The following PCDHGA4 variants were observed in gnomAD, a reference collection of about 807,000 sequenced individuals.
PCDHGA4 encodes protocadherin gamma subfamily A, 4, also known as protocadherin gamma-A4.
In PCDHGA4, 38 loss-of-function variants were observed where a neutral mutation model predicts 54.6. That is an observed-to-expected ratio of 0.70 (90% CI 0.54 to 0.91). The LOEUF (loss-of-function observed/expected upper bound fraction) is 0.91, where lower values mean the gene tolerates loss of function less well. Among genes scored for constraint, PCDHGA4 ranks in the 40% least tolerant of loss-of-function variants. The pLI is 0.00. For missense variants in PCDHGA4, 1,298 were observed against 1,220.9 expected, an observed-to-expected ratio of 1.06 and a Z score of -0.94; for synonymous variants, 511 against 512.9, an observed-to-expected ratio of 1.00 and a Z score of 0.05.
chr5:141,356,021 A>G lies in PCDHGA4; in HGVS notation c.914A>G (p.Asn305Ser), dbSNP rs752812560. The G allele has an allele frequency of 3.1e-6, 5 of 1,613,992 alleles. No individual in the cohort carries two copies. Among genetic ancestry groups the G allele is most frequent in the Non-Finnish European group, 4.2e-6 (5 of 1,179,894 alleles). ...VKATDPDEGANGDVTYSFRKV... is the reference protein window; with the variant it reads ...VKATDPDEGASGDVTYSFRKV... ...GCCACTGATCCAGATGAAGGAGCCA[A>G]TGGAGACGTGACGTATTCTTTCCGG... Residue 305 changes from asparagine (N) to serine (S), a missense_variant, in exon 1 of 4, where the codon AAT becomes AGT. Physicochemically the swap from Asn to Ser is conservative, Grantham distance 46. Transcript: ENST00000571252.
chr5:141,375,784 C>T, intron 1 of PCDHGA4: 1 of 1,614,254 alleles, frequency 6.2e-7, no homozygotes. Context: ...ACCCCGCCCT[C>T]CCCACAGACG....
intron 1 of PCDHGA4, chr5:141,410,320 C>A (rs752279818): frequency 6.2e-7 from 1 of 1,613,998 alleles, no homozygotes; most frequent in Non-Finnish European, 8.5e-7. Context: ...TCCTCCTCGC[C>A]GTGATTCTGG....
chr5:141,412,050 A>G (rs1465943762), intron 1 of PCDHGA4: 1 of 152,222 alleles, frequency 6.6e-6, no homozygotes, highest in African/African-American at 2.4e-5. Flanking sequence ...GTGAACTTCT[A>G]TACCCTTTGC....
intron 1 of PCDHGA4, among the ~76,000 whole-genome samples, chr5:141,452,760 G>A (rs920853226): frequency 3.3e-5 from 5 of 152,120 alleles, no homozygotes; most frequent in Non-Finnish European, 7.4e-5. Context: ...AAGGAAGGGA[G>A]GGAGGGAAAA....
At chr5:141,364,599 T>C in intron 1 of PCDHGA4, 4 of 1,614,178 alleles carry the variant, frequency 2.5e-6, no homozygotes, top group South Asian at 1.1e-5. Context: ...GCGGGCAGGA[T>C]AGACCGGGAG....
intron 1 of PCDHGA4, chr5:141,413,182 G>A (rs752788034): frequency 6.2e-7 from 1 of 1,604,164 alleles, no homozygotes; most frequent in Non-Finnish European, 8.5e-7. Context: ...TACAATGGCC[G>A]CTCAAAGGAA....
intron 1 of PCDHGA4, among the ~76,000 whole-genome samples, chr5:141,406,933 T>C (rs1034700573): frequency 6.6e-6 from 1 of 152,218 alleles, no homozygotes; most frequent in African/African-American, 2.4e-5. Flanking sequence ...ATGTATTATT[T>C]AATGTTATTT....
intron 1 of PCDHGA4, chr5:141,370,363 G>A: frequency 1.3e-6 from 2 of 1,518,634 alleles, no homozygotes; most frequent in South Asian, 1.3e-5. Context: ...TCCTCTCCTC[G>A]GATTTAGAAA....
intron 1 of PCDHGA4, chr5:141,492,046 AC>A (rs955983612): frequency 2.0e-6 from 1 of 494,316 alleles, no homozygotes; most frequent in African/African-American, 2.0e-5. Context: ...TCACAGATCC[AC>A]CCCTGCAGCC....
intron 1 of PCDHGA4, chr5:141,375,277 T>G: frequency 1.9e-6 from 3 of 1,613,826 alleles, no homozygotes; most frequent in Non-Finnish European, 2.5e-6. Context: ...AAAAATCAGT[T>G]GGCAATTATT....
intron 1 of PCDHGA4, among the ~76,000 whole-genome samples, chr5:141,401,018 G>C (rs2094104038): frequency 6.6e-6 from 1 of 152,108 alleles, no homozygotes; most frequent in Admixed American, 6.5e-5. Flanking sequence ...ATGGATTTAT[G>C]ATTTTTTGAA....
chr5:141,466,039 A>G (rs926979550), intron 1 of PCDHGA4, among the ~76,000 whole-genome samples: 1 of 152,122 alleles, frequency 6.6e-6, no homozygotes, highest in Non-Finnish European at 1.5e-5. Context: ...GGAGAACGGC[A>G]TGAACCCAGG....
chr5:141,424,052 G>A, intron 1 of PCDHGA4: 1 of 1,012,010 alleles, frequency 9.9e-7, no homozygotes, highest in South Asian at 4.7e-5. Flanking sequence ...CAATTTTGCT[G>A]TGCCTTCACT....
chr5:141,392,897 G>T (rs2150498343), intron 1 of PCDHGA4: 6 of 1,613,776 alleles, frequency 3.7e-6, no homozygotes, highest in Non-Finnish European at 5.1e-6. Flanking sequence ...AAATCGGGAG[G>T]GGACAGATTC....
intron 2 of PCDHGA4, among the ~76,000 whole-genome samples, chr5:141,502,723 G>C (rs771399677): frequency 3.9e-5 from 6 of 152,124 alleles, no homozygotes; most frequent in Non-Finnish European, 8.8e-5. Flanking sequence ...TGATTACAAA[G>C]CGGTGATGTT....
rs143779180 is a variant in PCDHGA4 at position 141,485,438 on chromosome 5, C to A, written c.2515-9369C>A. The A allele has an allele frequency of 9.9e-6, 16 of 1,614,170 alleles. No individual in the cohort carries two copies. The African/African-American group carries it at 1.3e-4, about 13-fold the overall frequency. Reference sequence around the variant, plus strand: ...CAGCGGAGCCCTGCTCATCAAGAACCCAATCGACCGAGAGGCACTGTGTGG... The same window carrying A: ...CAGCGGAGCCCTGCTCATCAAGAACACAATCGACCGAGAGGCACTGTGTGG... On this transcript the variant is annotated intron_variant, in intron 1 of 3. Coordinates refer to ENST00000571252, the MANE Select transcript of PCDHGA4 (RefSeq NM_018917.4). The surrounding 1 kb of genome is among the most constrained non-coding windows in gnomAD (Gnocchi z 5.7).
intron 1 of PCDHGA4, among the ~76,000 whole-genome samples, chr5:141,454,796 A>ATTTTTTTTTTTTTTTTTTTTTT (rs61612330): frequency 5.2e-5 from 4 of 77,456 alleles, no homozygotes; most frequent in Non-Finnish European, 7.0e-5. Context: ...CATGGTTCTA[A>ATTTTTTTTTTTTTTTTTTTTTT]TTTTTTTTTT....
chr5:141,485,497 T>C lies in PCDHGA4; in HGVS notation c.2515-9310T>C, dbSNP rs1594488328. On this transcript the variant is annotated intron_variant, in intron 1 of 3. Coordinates refer to ENST00000571252, the MANE Select transcript of PCDHGA4 (RefSeq NM_018917.4). The surrounding 1 kb of genome is among the most constrained non-coding windows in gnomAD (Gnocchi z 5.7). ...CCAGCTGCATCGTGCCCCTGGAGTT[T>C]GTCACCGAAGGTCCTTTGGAAATGT... 6.2e-7 allele frequency: 1 copy of C among 1,614,112 alleles called. No homozygotes were observed. The highest frequency in any genetic ancestry group is 1.3e-5 in the African/African-American group (1 of 74,998).
chr5:141,405,331 C>G (rs1561699778), intron 1 of PCDHGA4: 1 of 1,614,186 alleles, frequency 6.2e-7, no homozygotes, highest in Non-Finnish European at 8.5e-7. Flanking sequence ...CTTTGTGCGT[C>G]TCTGTTGATT....
Sources: allele counts gnomAD v4.1 joint callset (sites outside exome capture counted in the v4.1 genomes callset), GRCh38; gene constraint gnomAD v4.1.1; non-coding constraint Gnocchi (gnomAD v3.1); transcripts MANE v1.5; gene names NCBI Gene and HGNC (gene_info 2026-07-23, HGNC 2026-07-21).